Variants in SSU72 observed in about 807,000 individuals in gnomAD.
SSU72 encodes RNA polymerase II subunit A C-terminal domain phosphatase SSU72.
A neutral mutation model predicts 22.7 loss-of-function variants in SSU72; 12 were observed. The ratio of observed to expected loss-of-function variants is 0.53; its 90% CI spans 0.34 to 0.86. The LOEUF is 0.86. Ranked by LOEUF, SSU72 falls within the 40% of genes least tolerant of loss-of-function variation. The probability of loss-of-function intolerance (pLI) is 0.02; values close to 1 mark genes in which losing one functional copy is unlikely to be tolerated. For missense variants in SSU72, 151 were observed against 249.8 expected, an observed-to-expected ratio of 0.60 and a Z score of 2.67; for synonymous variants, 116 against 98.3, an observed-to-expected ratio of 1.18 and a Z score of -1.06.
In SSU72 at chr1:1,542,458, G is replaced by A. The variant is rs1437445386; in HGVS notation, c.484-291C>T. On this transcript the variant is annotated intron_variant, in intron 4 of 4. Coordinates refer to ENST00000291386, the MANE Select transcript of SSU72 (RefSeq NM_014188.3). The surrounding 1 kb of genome is among the most constrained non-coding windows in gnomAD (Gnocchi z 4.4). Reference sequence around the variant, plus strand: ...GCCCAGCACGGAGACCTGGCGGCCAGGGCTCAGACCCACACATGCACAGCG... The same window carrying A: ...GCCCAGCACGGAGACCTGGCGGCCAAGGCTCAGACCCACACATGCACAGCG... 4.6e-5 allele frequency among the ~76,000 whole-genome samples: 7 copies of A among 152,164 alleles called. No individual in the cohort carries two copies. Among genetic ancestry groups the A allele is most frequent in the African/African-American group, 1.7e-4 (7 of 41,428 alleles).
intron 2 of SSU72, 32 bp downstream of exon 2, chr1:1,564,741 G>T (rs1053104069): frequency 5.6e-6 from 9 of 1,614,060 alleles, no homozygotes; most frequent in Non-Finnish European, 7.6e-6. Context: ...GGACCACACG[G>T]GGGGTTTTTA....
rs1642378219 is a variant in SSU72, at chr1:1,545,391, C to CT, written c.225-390dup. The CT allele has an allele frequency of 2.6e-5, 6 of 230,922 alleles. No individual in the cohort carries two copies. In the South Asian group the frequency reaches 3.9e-4, roughly 15 times the overall value. 14.3% of individuals were successfully genotyped at this position (230,922 alleles called of 1,614,324 possible). ...AGTCGGATCCTTCTTCCTCCCTCTG[C>CT]TCCCTGTGCAGTGCATGCTGGCTCT... On this transcript the variant is annotated intron_variant, in intron 2 of 4. Transcript: ENST00000291386.
chr1:1,573,861 G>A (rs1045633330), intron 1 of SSU72, among the ~76,000 whole-genome samples: 3 of 152,052 alleles, frequency 2.0e-5, no homozygotes, highest in Admixed American at 6.6e-5. Flanking sequence ...CAAAAAACTT[G>A]TTATCAAGCA....
At chr1:1,555,061 G>A (rs963475994) in intron 2 of SSU72, among the ~76,000 whole-genome samples, 3 of 152,138 alleles carry the variant, frequency 2.0e-5, no homozygotes, top group African/African-American at 7.2e-5. Flanking sequence ...ACACCCACGA[G>A]GGGGGCCAGC....
At chr1:1,552,249 C>G (rs376773059) in intron 2 of SSU72, among the ~76,000 whole-genome samples, 32 of 152,298 alleles carry the variant, frequency 2.1e-4, no homozygotes, top group African/African-American at 6.3e-4. Flanking sequence ...CCTGGGAAAA[C>G]CAGAGAACTA....
At chr1:1,574,439 C>T (rs776973475) in intron 1 of SSU72, 39 bp downstream of exon 1, 2 of 1,564,430 alleles carry the variant, frequency 1.3e-6, no homozygotes, top group African/African-American at 2.8e-5. Flanking sequence ...GGCCGGTCGC[C>T]GGAGCAGAGC....
At chr1:1,564,563 C>A (rs772795514) in intron 2 of SSU72, 4 of 1,579,910 alleles carry the variant, frequency 2.5e-6, no homozygotes, top group East Asian at 2.3e-5. Flanking sequence ...CGTGTCTGTG[C>A]GCCTCACCAC....
At chr1:1,564,375 A>C (rs1383859788) in intron 2 of SSU72, 2 of 1,195,512 alleles carry the variant, frequency 1.7e-6, no homozygotes, top group South Asian at 1.7e-5. Context: ...GCCCGGCTCC[A>C]TGTGTATCAG....
At chr1:1,559,393 A>G (rs1642558211) in intron 2 of SSU72, among the ~76,000 whole-genome samples, 1 of 152,170 alleles carries the variant, frequency 6.6e-6, no homozygotes, top group Non-Finnish European at 1.5e-5. Context: ...AACTCCATGA[A>G]TGTCCTGAAA....
intron 1 of SSU72, 45 bp downstream of exon 1, chr1:1,574,433 G>T: frequency 6.4e-7 from 1 of 1,552,592 alleles, no homozygotes; most frequent in Non-Finnish European, 8.7e-7. Flanking sequence ...AGGGAGGGCC[G>T]GTCGCCGGAG....
In SSU72 at chr1:1,541,960, A is replaced by T; in HGVS notation, c.*106T>A. On this transcript the variant is annotated 3_prime_UTR_variant, in exon 5 of 5. Coordinates refer to ENST00000291386, the MANE Select transcript of SSU72 (RefSeq NM_014188.3). ...TTTCATATGCACAGTTTATTTGGGT[A>T]ATGCTACCGTCACCAGCAGAACACC... 9.7e-7 allele frequency: 1 copy of T among 1,035,764 alleles called. No individual in the cohort carries two copies. Among genetic ancestry groups the T allele is most frequent in the Non-Finnish European group, 1.4e-6 (1 of 694,788 alleles). The allele number at this position is 1,035,764 out of a possible 1,614,324, so 64.2% of individuals were successfully genotyped here.
intron 2 of SSU72, 86 bp from the exon 3 acceptor site, chr1:1,545,088 T>C (rs1642374908): frequency 3.6e-5 from 54 of 1,509,168 alleles, no homozygotes; most frequent in Non-Finnish European, 4.9e-5. Flanking sequence ...CCCAGCCCCT[T>C]CCCTGCCCCA....
chr1:1,549,622 T>A (rs1642432718), intron 2 of SSU72, among the ~76,000 whole-genome samples: 1 of 151,170 alleles, frequency 6.6e-6, no homozygotes, highest in African/African-American at 2.4e-5. Flanking sequence ...ATGGCTTATC[T>A]GAGGTCAGGA....
At chr1:1,550,528 G>A (rs926627768) in intron 2 of SSU72, among the ~76,000 whole-genome samples, 1 of 152,234 alleles carries the variant, frequency 6.6e-6, no homozygotes, top group Non-Finnish European at 1.5e-5. Flanking sequence ...AGCACTCAGA[G>A]AATCAGTGCC....
Position 1,544,851 on chromosome 1 carries a change from C to T in SSU72, c.364+12G>A, listed in dbSNP as rs749660032. 6.2e-7 allele frequency: 1 copy of T among 1,614,090 alleles called. No individual in the cohort carries two copies. The highest frequency in any genetic ancestry group is 1.7e-5 in the Admixed American group (1 of 60,026). The stretch of plus-strand genomic sequence containing the variant: ...TGCTGGAGCCCAGCCCAGCACGCAG[C>T]CGCCTCCTCACCTTCCACCACCTGG... On this transcript the variant is annotated intron_variant, in intron 3 of 4. Coordinates refer to ENST00000291386, the MANE Select transcript of SSU72 (RefSeq NM_014188.3).
intron 4 of SSU72, among the ~76,000 whole-genome samples, chr1:1,543,081 G>A (rs559414675): frequency 1.3e-5 from 2 of 152,330 alleles, no homozygotes; most frequent in East Asian, 1.9e-4. Context: ...GAGGCGGGAC[G>A]GTGCGTGGGG....
At chr1:1,545,365 C>A in intron 2 of SSU72, 1 of 253,652 alleles carries the variant, frequency 3.9e-6, no homozygotes, top group Non-Finnish European at 7.7e-6. Context: ...TGTGTCTCCG[C>A]AGTCGGATCC....
Position 1,542,188 on chromosome 1 carries a change from T to C in SSU72, c.484-21A>G. The C allele has an allele frequency of 6.4e-7, 1 of 1,562,784 alleles. No individual in the cohort carries two copies. Among genetic ancestry groups the C allele is most frequent in the Non-Finnish European group, 8.7e-7 (1 of 1,152,984 alleles). Reference sequence around the variant, plus strand: ...TGGATCTGCAAGGACAGGACCGTGGTGAGGGCCTTGCCCACTCCTGCCTGT... The same window carrying C: ...TGGATCTGCAAGGACAGGACCGTGGCGAGGGCCTTGCCCACTCCTGCCTGT... On this transcript the variant is annotated intron_variant, in intron 4 of 4. Coordinates refer to ENST00000291386, the MANE Select transcript of SSU72 (RefSeq NM_014188.3). The surrounding 1 kb of genome is among the most constrained non-coding windows in gnomAD (Gnocchi z 4.4).
chr1:1,558,174 C>G (rs1340726671), intron 2 of SSU72, among the ~76,000 whole-genome samples: 1 of 144,114 alleles, frequency 6.9e-6, no homozygotes, highest in African/African-American at 2.7e-5. Context: ...GCACTCCAGC[C>G]TGGGCAACAG....
Sources: allele counts gnomAD v4.1 joint callset (sites outside exome capture counted in the v4.1 genomes callset), GRCh38; gene constraint gnomAD v4.1.1; non-coding constraint Gnocchi (gnomAD v3.1); transcripts MANE v1.5; gene names NCBI Gene and HGNC (gene_info 2026-07-23, HGNC 2026-07-21).